Variants in HDDC3 observed in about 807,000 individuals in gnomAD.
HDDC3 encodes HD domain containing 3, also known as guanosine-3',5'-bis(diphosphate) 3'-pyrophosphohydrolase MESH1.
In HDDC3, 18 loss-of-function variants were observed where a neutral mutation model predicts 19.1. The ratio of observed to expected loss-of-function variants is 0.94; its 90% CI spans 0.65 to 1.40. The LOEUF (loss-of-function observed/expected upper bound fraction) is 1.40, where lower values mean the gene tolerates loss of function less well. Among genes scored for constraint, HDDC3 ranks in the 40% most tolerant of loss-of-function variants. The pLI is 0.00. For synonymous variants in HDDC3, 107 were observed against 99.4 expected (o/e 1.08, Z -0.46); for missense variants, 250 against 228.9 (o/e 1.09, Z -0.59).
intron 1 of HDDC3, 22 bp from the exon 2 acceptor site, chr15:90,932,132 G>A: frequency 6.3e-7 from 1 of 1,575,808 alleles, no homozygotes; most frequent in Non-Finnish European, 8.6e-7. Context: ...GGGCAAAGCA[G>A]GAAGTCAGGT....
In HDDC3 at chr15:90,931,926, T is replaced by C; in HGVS notation, c.187A>G (p.Thr63Ala). ...VVLQAALLHD[T>A]VEDTDTTLDE... Reference sequence around the variant, plus strand: ...AGGGTGGTGTCTGTGTCCTCCACCGTGTCATGGAGCAGGGCCGCCTGGGGA... The same window carrying C: ...AGGGTGGTGTCTGTGTCCTCCACCGCGTCATGGAGCAGGGCCGCCTGGGGA... Residue 63 changes from threonine (T) to alanine (A), a missense_variant, in exon 3 of 4, where the codon ACG becomes GCG. Thr to Ala is a moderately conservative substitution (Grantham distance 58). Transcript: ENST00000394272. 1 of 1,613,928 alleles carries C rather than the reference T, an allele frequency of 6.2e-7. No individual in the cohort carries two copies. Among genetic ancestry groups the C allele is most frequent in the Non-Finnish European group, 8.5e-7 (1 of 1,180,008 alleles).
chr15:90,931,149 C>A lies in HDDC3; in HGVS notation c.*126G>T, dbSNP rs2035774852. ...CTTCAGACTGAGAAAAAATGCAAGT[C>A]TTTTTTTGGCCTCTAATATCTGGGA... On this transcript the variant is annotated 3_prime_UTR_variant, in exon 4 of 4. Coordinates refer to ENST00000394272, the MANE Select transcript of HDDC3 (RefSeq NM_001286451.2). 1 of 1,202,618 alleles carries A rather than the reference C, an allele frequency of 8.3e-7. No homozygotes were observed. Among genetic ancestry groups the A allele is most frequent in the Non-Finnish European group, 1.2e-6 (1 of 865,984 alleles). The allele number at this position is 1,202,618 out of a possible 1,614,324, so 74.5% of individuals were successfully genotyped here.
Position 90,932,492 on chromosome 15 carries a change from G to T in HDDC3, c.49C>A (p.Arg17Ser). 1 of 1,309,802 alleles carries T rather than the reference G, an allele frequency of 7.6e-7. No individual in the cohort carries two copies. The highest frequency in any genetic ancestry group is 2.3e-5 in the South Asian group (1 of 42,648). 81.1% of individuals were successfully genotyped at this position (1,309,802 alleles called of 1,614,324 possible). A position where few individuals can be genotyped will look rare whatever the true frequency, so the allele number is the denominator to read the frequency against. The change falls in exon 1 of 4, where the codon CGC becomes AGC. Residue 17 changes from arginine to serine, a missense_variant. By Grantham distance (110) the Arg-to-Ser change is moderately radical. Transcript: ENST00000394272. ...QLLEAADFAA[R>S]KHRQQRRKDP... ...TTCCGCCGCTGCTGCCGGTGCTTGC[G>T]AGCCGCGAAGTCGGCAGCCTCCAGC... is the stretch of plus-strand genomic sequence containing the variant.
Position 90,931,168 on chromosome 15 carries a change from T to A in HDDC3, c.*107A>T. On this transcript the variant is annotated 3_prime_UTR_variant, in exon 4 of 4. Coordinates refer to ENST00000394272, the MANE Select transcript of HDDC3 (RefSeq NM_001286451.2). ...GCAAGTCTTTTTTTGGCCTCTAATATCTGGGAAGGATGGAGGGAGCTCAGG... is the reference window on the plus strand; with the variant it reads ...GCAAGTCTTTTTTTGGCCTCTAATAACTGGGAAGGATGGAGGGAGCTCAGG... 7.3e-7 allele frequency: 1 copy of A among 1,366,336 alleles called. No individual in the cohort carries two copies. The highest frequency in any genetic ancestry group is 1.4e-5 in the South Asian group (1 of 73,792). The allele number at this position is 1,366,336 out of a possible 1,614,324, so 84.6% of individuals were successfully genotyped here. A position where few individuals can be genotyped will look rare whatever the true frequency, so the allele number is the denominator to read the frequency against.
Position 90,932,044 on chromosome 15 carries a change from G to A in HDDC3, c.168+11C>T, listed in dbSNP as rs34967259. 121,028 of 1,613,478 alleles carry A rather than the reference G, an allele frequency of 0.075. 5,378 individuals carry two copies. The highest frequency in any genetic ancestry group is 0.16 in the South Asian group (14,763 of 90,960). On this transcript the variant is annotated intron_variant, in intron 2 of 3. Transcript: ENST00000394272. ...CATCCCAGGCTCCTGGCAGAGAAGG[G>A]GGAAAGTTACCTGTAACACCACAAT...
intron 3 of HDDC3, 145 bp downstream of exon 3, chr15:90,931,559 G>C (rs202109806): frequency 6.2e-7 from 1 of 1,614,220 alleles, no homozygotes; most frequent in Non-Finnish European, 8.5e-7. Flanking sequence ...TATTTTTACT[G>C]TATGAAAGAA....
At position 90,932,429 on chromosome 15, in the gene HDDC3, C is replaced by A; in HGVS notation, c.112G>T (p.Gly38Cys). The part of the protein sequence containing the change: ...EGTPYINHPI[G>C]VARILTHEAG... ...GGCGCTCCGCGGCCGACGCGCCCAC[C>A]GATGGGGTGGTTGATGTAGGGGGTC... Residue 38 changes from glycine (G) to cysteine (C), a missense_variant and splice_region_variant, in exon 1 of 4, where the codon GGT (glycine) becomes TGT (cysteine). Coordinates refer to ENST00000394272, the MANE Select transcript of HDDC3 (RefSeq NM_001286451.2). 1 of 1,353,044 alleles carries A rather than the reference C, an allele frequency of 7.4e-7. No individual in the cohort carries two copies. The highest frequency in any genetic ancestry group is 2.9e-5 in the East Asian group (1 of 34,428). 83.8% of individuals were successfully genotyped at this position (1,353,044 alleles called of 1,614,324 possible).
rs1170788930 is a variant in HDDC3, at chr15:90,932,542, G to A, written c.-2C>T. ...CAGCTGCGCCGCCTCAGAGCCCATC[G>A]CGCGGATGGGGCCGACGACTGCGGC... On this transcript the variant is annotated 5_prime_UTR_variant, in exon 1 of 4. Transcript: ENST00000394272. 8.0e-7 allele frequency: 1 copy of A among 1,257,680 alleles called. No individual in the cohort carries two copies. The highest frequency in any genetic ancestry group is 1.0e-6 in the Non-Finnish European group (1 of 1,000,412). 77.9% of individuals were successfully genotyped at this position (1,257,680 alleles called of 1,614,324 possible). A position where few individuals can be genotyped will look rare whatever the true frequency, so the allele number is the denominator to read the frequency against.
chr15:90,931,762 C>A lies in HDDC3; in HGVS notation c.351G>T (p.Leu117=). Residue 117 remains leucine, a synonymous_variant, in exon 3 of 4, where the codon CTG becomes CTT. Coordinates refer to ENST00000394272, the MANE Select transcript of HDDC3 (RefSeq NM_001286451.2). ...QAPHSSPGAK[L]VKLADKLYNL... is the part of the protein sequence containing the mutation. Reference sequence around the variant, plus strand: ...TGTACAGCTTGTCTGCCAGCTTCACCAGTTTGGCCCCGGGGCTACTGTGGG... The same window carrying A: ...TGTACAGCTTGTCTGCCAGCTTCACAAGTTTGGCCCCGGGGCTACTGTGGG... The A allele has an allele frequency of 1.2e-6, 2 of 1,614,124 alleles. No individual in the cohort carries two copies. Among genetic ancestry groups the A allele is most frequent in the Non-Finnish European group, 1.7e-6 (2 of 1,180,032 alleles).
At chr15:90,932,387 A>G (rs894445784) in intron 1 of HDDC3, 42 bp downstream of exon 1, 5 of 1,216,002 alleles carry the variant, frequency 4.1e-6, no homozygotes, top group Non-Finnish European at 5.3e-6. Flanking sequence ...AGTCCCCACC[A>G]CCCAGGTGCC....
At chr15:90,932,138 C>G (rs1476843445) in intron 1 of HDDC3, 28 bp from the exon 2 acceptor site, 1 of 1,572,220 alleles carries the variant, frequency 6.4e-7, no homozygotes, top group East Asian at 2.2e-5. Context: ...AGCAGGAAGT[C>G]AGGTCGGAGG....
At chr15:90,932,310 T>C in intron 1 of HDDC3, 119 bp downstream of exon 1, 2 of 785,016 alleles carry the variant, frequency 2.5e-6, no homozygotes, top group Non-Finnish European at 3.9e-6. Flanking sequence ...GCTTAAACGG[T>C]ATATCGCACT....
At position 90,929,973 on chromosome 15, in the gene HDDC3, A is replaced by G. The variant is rs2035734239; in HGVS notation, c.*1302T>C. 1.3e-5 allele frequency: 2 copies of G among 152,178 alleles called. No individual in the cohort carries two copies. Among genetic ancestry groups the G allele is most frequent in the African/African-American group, 2.4e-5 (1 of 41,444 alleles). The allele number at this position is 152,178 out of a possible 1,614,324, so 9.4% of individuals were successfully genotyped here. On this transcript the variant is annotated 3_prime_UTR_variant, in exon 4 of 4. Transcript: ENST00000394272. The stretch of plus-strand genomic sequence containing the variant: ...TGATCGCTTTTCCAGACAACTTAAT[A>G]AACTTTGGCTTTAATGGATGACTGG...
In HDDC3 at chr15:90,932,423, G is replaced by T; in HGVS notation, c.112+6C>A. The T allele has an allele frequency of 7.5e-7, 1 of 1,340,936 alleles. No individual in the cohort carries two copies. The allele number at this position is 1,340,936 out of a possible 1,614,324, so 83.1% of individuals were successfully genotyped here. ...GCAGCCGGCGCTCCGCGGCCGACGCGCCCACCGATGGGGTGGTTGATGTAG... is the reference window on the plus strand; with the variant it reads ...GCAGCCGGCGCTCCGCGGCCGACGCTCCCACCGATGGGGTGGTTGATGTAG... On this transcript the variant is annotated splice_donor_region_variant and intron_variant, in intron 1 of 3. Coordinates refer to ENST00000394272, the MANE Select transcript of HDDC3 (RefSeq NM_001286451.2).
At chr15:90,931,539 C>G in intron 3 of HDDC3, 134 bp from the exon 4 acceptor site, 1 of 1,614,066 alleles carries the variant, frequency 6.2e-7, no homozygotes, top group South Asian at 1.1e-5. Flanking sequence ...TCCCCTTGGC[C>G]CAGCTATTGT....
Position 90,931,115 on chromosome 15 carries a change from G to T in HDDC3, c.*160C>A. On this transcript the variant is annotated 3_prime_UTR_variant, in exon 4 of 4. Coordinates refer to ENST00000394272, the MANE Select transcript of HDDC3 (RefSeq NM_001286451.2). The stretch of plus-strand genomic sequence containing the variant: ...CACCACGCGGGGCTCAGCTTAGTTA[G>T]CAGGAGACCTTCAGACTGAGAAAAA... 1 of 810,218 alleles carries T rather than the reference G, an allele frequency of 1.2e-6. No individual in the cohort carries two copies. The highest frequency in any genetic ancestry group is 1.9e-6 in the Non-Finnish European group (1 of 523,874). The allele number at this position is 810,218 out of a possible 1,614,324, so 50.2% of individuals were successfully genotyped here. A position where few individuals can be genotyped will look rare whatever the true frequency, so the allele number is the denominator to read the frequency against.
At chr15:90,932,151 G>C in intron 1 of HDDC3, 41 bp from the exon 2 acceptor site, 1 of 1,554,962 alleles carries the variant, frequency 6.4e-7, no homozygotes, top group Non-Finnish European at 8.7e-7. Flanking sequence ...GTCGGAGGTA[G>C]TCCCAAGGCG....
intron 3 of HDDC3, 103 bp from the exon 4 acceptor site, chr15:90,931,508 G>T (rs1052535): frequency 8.1e-6 from 13 of 1,613,882 alleles, no homozygotes; most frequent in Non-Finnish European, 1.0e-5. Flanking sequence ...GTTCCTGATG[G>T]AATGAGCTGT....
intron 1 of HDDC3, 59 bp downstream of exon 1, chr15:90,932,370 C>T: frequency 1.8e-6 from 2 of 1,089,076 alleles, no homozygotes; most frequent in Non-Finnish European, 2.4e-6. Flanking sequence ...CCCCACGTTT[C>T]CTTCCCAGTC....
Sources: allele counts gnomAD v4.1 joint callset, GRCh38; gene constraint gnomAD v4.1.1; transcripts MANE v1.5; gene names NCBI Gene and HGNC (gene_info 2026-07-23, HGNC 2026-07-21).